Variants in CCDC148 observed in about 807,000 individuals in gnomAD.
CCDC148 encodes the protein coiled-coil domain containing 148, also known as coiled-coil domain-containing protein 148.
CCDC148 carries 89 observed loss-of-function variants against 85.7 expected under a neutral mutation model. The ratio of observed to expected loss-of-function variants is 1.04; its 90% confidence interval spans 0.87 to 1.24. The LOEUF (loss-of-function observed/expected upper bound fraction) is 1.24. Ranked by LOEUF, CCDC148 falls within the 50% of genes most tolerant of loss-of-function variation. CCDC148 has a pLI of 0.00. For missense variants in CCDC148, 692 were observed against 671.7 expected (o/e 1.03, Z -0.33); for synonymous variants, 230 against 213.9 (o/e 1.08, Z -0.66).
intron 11 of CCDC148, among the ~76,000 whole-genome samples, chr2:158,191,406 G>A (rs7595224): frequency 0.056 from 8,522 of 151,970 alleles, 800 homozygotes; most frequent in African/African-American, 0.19. Context: ...AATGATCAGC[G>A]AAGAGGCTTC....
intron 11 of CCDC148, among the ~76,000 whole-genome samples, chr2:158,204,838 T>C (rs1336078906): frequency 6.6e-6 from 1 of 152,012 alleles, no homozygotes; most frequent in Non-Finnish European, 1.5e-5. Flanking sequence ...TGCAGAGACA[T>C]GAAGAACACA....
intron 9 of CCDC148, among the ~76,000 whole-genome samples, chr2:158,282,627 G>A (rs1014393649): frequency 3.9e-5 from 6 of 152,188 alleles, no homozygotes; most frequent in African/African-American, 1.2e-4. Context: ...TGAAATTAAA[G>A]AGGATACACA....
In CCDC148 at chr2:158,298,541, C is replaced by G. The variant is rs370476968; in HGVS notation, c.1110+10892G>C. The stretch of plus-strand genomic sequence containing the variant: ...TCTCTTATGTTATCTGCTCTATTCT[C>G]ACTTTCACTTTATTATTTTTTCTTT... On this transcript the variant is annotated intron_variant, in intron 9 of 13. Transcript: ENST00000283233. Among the ~76,000 whole-genome samples the G allele has an allele frequency of 5.9e-5, 9 of 152,140 alleles. No homozygotes were observed. In the South Asian group the frequency reaches 1.7e-3, roughly 28 times the overall value.
At position 158,345,304 on chromosome 2, in the gene CCDC148, C is replaced by A. The variant is rs183742128; in HGVS notation, c.162G>T (p.Met54Ile). The part of the protein sequence containing the change: ...ASAKLKIRKA[M>I]LTSKLSKEQT... ...GTTCTTTGGATAACTTTGAAGTCAA[C>A]ATTGCTTTTCTGATCTAGATTTAGA... The change falls in exon 3 of 14, where the codon ATG becomes ATT. Residue 54 changes from methionine to isoleucine, a missense_variant. Met to Ile is a conservative substitution (Grantham distance 10). Transcript: ENST00000283233. The A allele has an allele frequency of 3.7e-5, 59 of 1,612,066 alleles. No individual in the cohort carries two copies. In the East Asian group the frequency reaches 1.1e-3, roughly 31 times the overall value.
chr2:158,393,055 TA>T (rs111307661), intron 1 of CCDC148, among the ~76,000 whole-genome samples: 9,351 of 149,564 alleles, frequency 0.063, 486 homozygotes, highest in African/African-American at 0.14. Context: ...AGTTTTAGTT[TA>T]AAAAAAAAAG....
At chr2:158,341,216 G>C (rs1046876627) in intron 3 of CCDC148, among the ~76,000 whole-genome samples, 1 of 151,600 alleles carries the variant, frequency 6.6e-6, no homozygotes, top group Admixed American at 6.6e-5. Context: ...GTATGTGTAC[G>C]TACATATGTA....
chr2:158,397,399 A>G (rs1272825061), intron 1 of CCDC148, among the ~76,000 whole-genome samples: 2 of 152,162 alleles, frequency 1.3e-5, no homozygotes. Context: ...TTACCCACAA[A>G]GGGAAGCCTA....
At chr2:158,277,338 G>T (rs1356605874) in intron 9 of CCDC148, among the ~76,000 whole-genome samples, 1 of 152,166 alleles carries the variant, frequency 6.6e-6, no homozygotes, top group African/African-American at 2.4e-5. Flanking sequence ...TCCTTGAGGT[G>T]ATAATGACCA....
At chr2:158,423,391 C>T (rs546669386) in intron 1 of CCDC148, among the ~76,000 whole-genome samples, 3 of 150,894 alleles carry the variant, frequency 2.0e-5, no homozygotes, top group Non-Finnish European at 4.5e-5. Context: ...AGATATAGAC[C>T]AATGGAATAG....
intron 1 of CCDC148, among the ~76,000 whole-genome samples, chr2:158,418,893 G>A (rs17492841): frequency 9.2e-5 from 14 of 152,030 alleles, no homozygotes; most frequent in Admixed American, 2.0e-4. Context: ...CATTACGTGC[G>A]TGCTAACAGA....
chr2:158,184,404 A>G (rs1685057316), intron 11 of CCDC148, among the ~76,000 whole-genome samples: 1 of 152,162 alleles, frequency 6.6e-6, no homozygotes, highest in Admixed American at 6.6e-5. Flanking sequence ...GCACTGTTCT[A>G]GGTGCTCAGG....
At chr2:158,174,233 A>C (rs985757696) in intron 13 of CCDC148, among the ~76,000 whole-genome samples, 2 of 152,094 alleles carry the variant, frequency 1.3e-5, no homozygotes, top group African/African-American at 4.8e-5. Flanking sequence ...AAAACAAGGC[A>C]TAAAGACGTA....
At chr2:158,237,296 G>A (rs1293484150) in intron 10 of CCDC148, among the ~76,000 whole-genome samples, 2 of 152,140 alleles carry the variant, frequency 1.3e-5, no homozygotes, top group African/African-American at 4.8e-5. Flanking sequence ...AGTAGAATGG[G>A]AAGTCATTGA....
At chr2:158,234,920 C>T (rs1688029420) in intron 10 of CCDC148, among the ~76,000 whole-genome samples, 1 of 151,902 alleles carries the variant, frequency 6.6e-6, no homozygotes, top group Admixed American at 6.6e-5. Context: ...CTTGCATTTT[C>T]CAAATTATCT....
chr2:158,195,118 T>C (rs1391293393), intron 11 of CCDC148, among the ~76,000 whole-genome samples: 2 of 152,018 alleles, frequency 1.3e-5, no homozygotes, highest in African/African-American at 4.8e-5. Context: ...TTGGAGAAAT[T>C]ATCTGTTCTT....
intron 11 of CCDC148, among the ~76,000 whole-genome samples, chr2:158,183,089 A>G (rs1274093629): frequency 6.6e-6 from 1 of 152,134 alleles, no homozygotes; most frequent in Non-Finnish European, 1.5e-5. Flanking sequence ...ATGCTCCCTG[A>G]GTCTACAAAG....
chr2:158,456,603 G>T lies in CCDC148; in HGVS notation c.-164C>A. ...AGGCACAGTTGGGATTGGCAGTAAG[G>T]CAAGGAAAGCCTGCCCCAGATTTCA... On this transcript the variant is annotated 5_prime_UTR_variant, in exon 1 of 14. An upstream open reading frame in the 5' UTR gains an earlier in-frame stop. Coordinates refer to ENST00000283233, the MANE Select transcript of CCDC148 (RefSeq NM_138803.4). 1 of 844,554 alleles carries T rather than the reference G, an allele frequency of 1.2e-6. No individual in the cohort carries two copies. Among genetic ancestry groups the T allele is most frequent in the Non-Finnish European group, 1.8e-6 (1 of 552,440 alleles). The allele number at this position is 844,554 out of a possible 1,614,324, so 52.3% of individuals were successfully genotyped here. A position where few individuals can be genotyped will look rare whatever the true frequency, so the allele number is the denominator to read the frequency against.
At chr2:158,351,518 C>A (rs12621929) in intron 2 of CCDC148, among the ~76,000 whole-genome samples, 7 of 151,422 alleles carry the variant, frequency 4.6e-5, no homozygotes, top group African/African-American at 1.7e-4. Flanking sequence ...CTTTTCCGAC[C>A]GGCTTAAAAA....
Position 158,372,193 on chromosome 2 carries a change from G to T in CCDC148, c.26-13623C>A, listed in dbSNP as rs1313652979. Among the ~76,000 whole-genome samples, 6 of 152,064 alleles carry T rather than the reference G, an allele frequency of 3.9e-5. No individual in the cohort carries two copies. The East Asian group carries it at 1.2e-3, about 29-fold the overall frequency. On this transcript the variant is annotated intron_variant, in intron 1 of 13. Coordinates refer to ENST00000283233, the MANE Select transcript of CCDC148 (RefSeq NM_138803.4). ...ATAATTCCAAAACCCCAAGAGAAAAGGTATAAATTAGGTATATGCTACATA... is the reference window on the plus strand; with the variant it reads ...ATAATTCCAAAACCCCAAGAGAAAATGTATAAATTAGGTATATGCTACATA...
Sources: gnomAD v4.1 joint callset for allele counts (sites outside exome capture counted in the v4.1 genomes callset) on GRCh38, gnomAD v4.1.1 for gene constraint, MANE v1.5 for transcripts, NCBI Gene and HGNC (gene_info 2026-07-23, HGNC 2026-07-21) for gene names.